The following PDE3B variants were observed in gnomAD, a reference collection of about 807,000 sequenced individuals.
PDE3B encodes phosphodiesterase 3B, also known as cGMP-inhibited 3',5'-cyclic phosphodiesterase 3B.
A neutral mutation model predicts 116.8 loss-of-function variants in PDE3B; 66 were observed. That is an observed-to-expected ratio of 0.56 (90% CI 0.46 to 0.69). The LOEUF (loss-of-function observed/expected upper bound fraction) is 0.69. PDE3B is among the 30% of genes least tolerant of loss of function. PDE3B has a pLI of 0.00. For synonymous variants in PDE3B, 595 were observed against 533.6 expected (o/e 1.12, Z -1.59); for missense variants, 1,384 against 1,368.1 (o/e 1.01, Z -0.18).
chr11:14,839,838 T>A (rs1860166543), intron 11 of PDE3B, among the ~76,000 whole-genome samples: 1 of 152,150 alleles, frequency 6.6e-6, no homozygotes, highest in Non-Finnish European at 1.5e-5. Flanking sequence ...GATGCCTTCA[T>A]AAGAGTGCCA....
chr11:14,847,177 T>C (rs1279774532), intron 12 of PDE3B, among the ~76,000 whole-genome samples: 2 of 152,100 alleles, frequency 1.3e-5, no homozygotes, highest in Non-Finnish European at 2.9e-5. Context: ...GAACTCAGGA[T>C]TAAGACACTC....
the PDE3B span, chr11:14,887,753 T>C: frequency 2.5e-6 from 1 of 407,336 alleles, no homozygotes; most frequent in Non-Finnish European, 3.3e-6. Context: ...GGCCCAGGAC[T>C]TTGCAGTCAC....
At chr11:14,749,182 G>T (rs553660787) in intron 1 of PDE3B, among the ~76,000 whole-genome samples, 4 of 152,000 alleles carry the variant, frequency 2.6e-5, no homozygotes, top group African/African-American at 7.2e-5. Context: ...AGCCATCCAC[G>T]CCTGGCCAAG....
At chr11:14,803,661 A>G (rs1858836716) in intron 4 of PDE3B, among the ~76,000 whole-genome samples, 1 of 152,186 alleles carries the variant, frequency 6.6e-6, no homozygotes, top group Admixed American at 6.5e-5. Flanking sequence ...GTAAAATTTT[A>G]TTGAAACAAA....
intron 5 of PDE3B, among the ~76,000 whole-genome samples, chr11:14,806,858 C>CAAAAAAAAAAAAAAA (rs953411145): frequency 1.8e-3 from 83 of 45,582 alleles, no homozygotes; most frequent in Admixed American, 3.4e-3. Flanking sequence ...GACTCCGTCT[C>CAAAAAAAAAAAAAAA]AAAAAAAAAA....
At chr11:14,886,430 C>A in the PDE3B span, 1 of 158,704 alleles carries the variant, frequency 6.3e-6, no homozygotes, top group South Asian at 1.8e-4. Context: ...TGTAACTAAG[C>A]CCATTTGTAT....
At chr11:14,701,768 T>G (rs1028191335) in intron 1 of PDE3B, among the ~76,000 whole-genome samples, 1 of 151,718 alleles carries the variant, frequency 6.6e-6, no homozygotes, top group Non-Finnish European at 1.5e-5. Flanking sequence ...GAAATACTGT[T>G]TATTTGTGAA....
intron 1 of PDE3B, among the ~76,000 whole-genome samples, chr11:14,718,639 A>G (rs1221419839): frequency 1.7e-4 from 25 of 150,462 alleles, no homozygotes; most frequent in Admixed American, 9.9e-4. Context: ...GCTCAACTAC[A>G]TGGAAACTGA....
At chr11:14,890,534 A>ATTTTT in the PDE3B span, 6 of 170,266 alleles carry the variant, frequency 3.5e-5, no homozygotes, top group African/African-American at 2.7e-4. Flanking sequence ...ACCTAGACCA[A>ATTTTT]TTCTTTTTTT....
chr11:14,676,229 T>G (rs1302603008), intron 1 of PDE3B, among the ~76,000 whole-genome samples: 1 of 152,184 alleles, frequency 6.6e-6, no homozygotes, highest in Non-Finnish European at 1.5e-5. Context: ...CATGCGTTGC[T>G]TAACAGTGAG....
intron 4 of PDE3B, among the ~76,000 whole-genome samples, chr11:14,796,637 C>T (rs1858563518): frequency 6.6e-6 from 1 of 152,186 alleles, no homozygotes; most frequent in Non-Finnish European, 1.5e-5. Flanking sequence ...GATCATTTTT[C>T]ATATGTTTGT....
At chr11:14,819,932 G>C (rs977505060) in intron 7 of PDE3B, among the ~76,000 whole-genome samples, 5 of 152,006 alleles carry the variant, frequency 3.3e-5, no homozygotes, top group Admixed American at 2.6e-4. Flanking sequence ...AGCTTCATGG[G>C]GCTAGGAAGA....
intron 1 of PDE3B, among the ~76,000 whole-genome samples, chr11:14,651,315 C>G (rs1326197505): frequency 6.6e-6 from 1 of 152,088 alleles, no homozygotes; most frequent in Admixed American, 6.5e-5. Flanking sequence ...TCTAAGGATC[C>G]AGGTCATATT....
chr11:14,832,915 C>G (rs752006104), intron 10 of PDE3B, 82 bp downstream of exon 10: 10 of 656,226 alleles, frequency 1.5e-5, no homozygotes, highest in Non-Finnish European at 2.7e-5. Context: ...TCAGATGGTC[C>G]CTTAAACACT....
Position 14,869,607 on chromosome 11 carries a change from T to A in PDE3B, c.3286T>A (p.Leu1096Ile), listed in dbSNP as rs1555008705. ...GNKLQVENSS[L>I]PQADEIQVIE... is the part of the protein sequence containing the mutation. ...TAAACTGCAGGTGGAGAATTCCTCC[T>A]TACCTCAAGCAGATGAGATTCAGGT... is the stretch of plus-strand genomic sequence containing the variant. The change falls in exon 16 of 16, where the codon TTA (leucine) becomes ATA (isoleucine). Residue 1096 changes from leucine (L) to isoleucine (I), a missense_variant. Physicochemically the swap from Leu to Ile is conservative, Grantham distance 5. Coordinates refer to ENST00000282096, the MANE Select transcript of PDE3B (RefSeq NM_000922.4). 1 of 1,613,936 alleles carries A rather than the reference T, an allele frequency of 6.2e-7. No homozygotes were observed. The highest frequency in any genetic ancestry group is 1.1e-5 in the South Asian group (1 of 91,056).
the PDE3B span, chr11:14,892,189 C>G: frequency 1.5e-5 from 24 of 1,610,326 alleles, no homozygotes; most frequent in Non-Finnish European, 1.9e-5. Flanking sequence ...CTCTTCAGCT[C>G]TCCAAAGCTT....
Position 14,789,175 on chromosome 11 carries a change from G to T in PDE3B, c.1348G>T (p.Val450Phe). The T allele has an allele frequency of 6.2e-7, 1 of 1,611,336 alleles. No homozygotes were observed. Among genetic ancestry groups the T allele is most frequent in the Non-Finnish European group, 8.5e-7 (1 of 1,178,002 alleles). Residue 450 changes from valine to phenylalanine, a missense_variant, in exon 4 of 16, where the codon GTT becomes TTT. Val to Phe is a conservative substitution (Grantham distance 50). This residue lies in a region of PDE3B where 956 missense variants were observed against 806.8 expected (regional missense o/e 1.18). Coordinates refer to ENST00000282096, the MANE Select transcript of PDE3B (RefSeq NM_000922.4). Reference protein sequence around the residue: ...RSSGTSGLLPVEQSSRWDRNN... With the variant: ...RSSGTSGLLPFEQSSRWDRNN... Reference sequence around the variant, plus strand: ...CTCAGGAACTTCAGGATTGCTACCTGTTGAACAGTCTTCAAGGTGGGATCG... The same window carrying T: ...CTCAGGAACTTCAGGATTGCTACCTTTTGAACAGTCTTCAAGGTGGGATCG...
At position 14,669,557 on chromosome 11, in the gene PDE3B, T is replaced by TG. The variant is rs568109272; in HGVS notation, c.978+24505dup. 2.5e-4 allele frequency among the ~76,000 whole-genome samples: 38 copies of TG among 152,094 alleles called. No individual in the cohort carries two copies. The East Asian group carries it at 6.2e-3, about 25-fold the overall frequency. On this transcript the variant is annotated intron_variant, in intron 1 of 15. Coordinates refer to ENST00000282096, the MANE Select transcript of PDE3B (RefSeq NM_000922.4). ...TATACATGTGCCATGTTGGGTGTGC[T>TG]GCACGCATTAACTCGTCATTTACAT...
At chr11:14,789,277 C>G (rs998682269) in intron 4 of PDE3B, 35 bp downstream of exon 4, 2 of 1,520,352 alleles carry the variant, frequency 1.3e-6, no homozygotes, top group African/African-American at 2.8e-5. Context: ...AAACTTGAAT[C>G]AAATGCATCT....
Sources: gnomAD v4.1 joint callset for allele counts (sites outside exome capture counted in the v4.1 genomes callset) on GRCh38, gnomAD v4.1.1 for gene constraint, gnomAD v4.1.1 regional missense constraint, MANE v1.5 for transcripts, NCBI Gene and HGNC (gene_info 2026-07-23, HGNC 2026-07-21) for gene names.